The following AGRN variants were observed in gnomAD, a reference collection of about 807,000 sequenced individuals.
AGRN encodes the protein agrin proteoglycan.
Under a neutral mutation model 211.0 loss-of-function variants are expected in AGRN, and 106 were observed. That is an observed-to-expected ratio of 0.50 (90% CI 0.43 to 0.59). The LOEUF (loss-of-function observed/expected upper bound fraction) is 0.59. AGRN is among the 20% of genes least tolerant of loss of function. The probability of loss-of-function intolerance (pLI) is 0.00; values close to 1 mark genes in which losing one functional copy is unlikely to be tolerated. For missense variants in AGRN, 3,040 were observed against 2,982.6 expected, an observed-to-expected ratio of 1.02 and a Z score of -0.45; for synonymous variants, 1,525 against 1,332.5, an observed-to-expected ratio of 1.14 and a Z score of -3.15.
In AGRN at chr1:1,049,954, G is replaced by T; in HGVS notation, c.4796G>T (p.Gly1599Val). 2 of 1,612,262 alleles carry T rather than the reference G, an allele frequency of 1.2e-6. No homozygotes were observed. Among genetic ancestry groups the T allele is most frequent in the Non-Finnish European group, 1.7e-6 (2 of 1,179,814 alleles). The change falls in exon 27 of 36, where the codon GGG becomes GTG. Residue 1599 changes from glycine (G) to valine (V), a missense_variant. Around this residue, in one of 3 missense-constraint regions of AGRN, gnomAD observed 1,537 missense variants for 1,505.0 expected, o/e 1.02. Coordinates refer to ENST00000379370, the MANE Select transcript of AGRN (RefSeq NM_198576.4). Reference sequence around the variant, plus strand: ...CCCTGCCAGCCCAACCCCTGCCATGGGGCGGCGCCCTGCCGTGTGCTGCCC... The same window carrying T: ...CCCTGCCAGCCCAACCCCTGCCATGTGGCGGCGCCCTGCCGTGTGCTGCCC... ...KSPCQPNPCH[G>V]AAPCRVLPEG... is the part of the protein sequence containing the mutation.
Sources: gnomAD v4.1 joint callset for allele counts on GRCh38, gnomAD v4.1.1 for gene constraint, gnomAD v4.1.1 regional missense constraint, MANE v1.5 for transcripts, NCBI Gene and HGNC (gene_info 2026-07-23, HGNC 2026-07-21) for gene names.